The following UTP6 variants were observed in gnomAD, a reference collection of about 807,000 sequenced individuals.
The protein encoded by UTP6 is U3 small nucleolar RNA-associated protein 6 homolog.
Under a neutral mutation model 96.5 loss-of-function variants are expected in UTP6, and 60 were observed. The observed-to-expected ratio is 0.62, with a 90% CI of 0.51 to 0.77. UTP6 has a LOEUF of 0.77. Among genes scored for constraint, UTP6 ranks in the 30% least tolerant of loss-of-function variants. UTP6 has a pLI of 0.00. For missense variants in UTP6, 637 were observed against 706.5 expected, an observed-to-expected ratio of 0.90 and a Z score of 1.12; for synonymous variants, 215 against 240.1, an observed-to-expected ratio of 0.90 and a Z score of 0.96.
intron 10 of UTP6, among the ~76,000 whole-genome samples, chr17:31,882,632 A>G (rs534922081): frequency 1.3e-5 from 2 of 152,122 alleles, no homozygotes; most frequent in African/African-American, 4.8e-5. Flanking sequence ...AGGGTTCTTC[A>G]TTTTCTAAAT....
rs751634443 is a variant in UTP6 at position 31,873,434 on chromosome 17, G to A, written c.1440C>T (p.Tyr480=). ...CACCACTTCGATAAGCCCAATCCAG[G>A]TACTTATTCTTCAGGGTTACTGAGT... The part of the protein sequence containing the change: ...GADSVTLKNK[Y]LDWAYRSGGY... The change falls in exon 16 of 19, where the codon TAC becomes TAT. Residue 480 remains tyrosine, a synonymous_variant. Coordinates refer to ENST00000261708, the MANE Select transcript of UTP6 (RefSeq NM_018428.3). The A allele has an allele frequency of 1.9e-6, 3 of 1,614,092 alleles. No homozygotes were observed. Among genetic ancestry groups the A allele is most frequent in the Non-Finnish European group, 2.5e-6 (3 of 1,180,022 alleles).
At chr17:31,893,326 T>A (rs777097934) in intron 4 of UTP6, among the ~76,000 whole-genome samples, 1 of 150,072 alleles carries the variant, frequency 6.7e-6, no homozygotes, top group Non-Finnish European at 1.5e-5. Context: ...CTAGGGAGGC[T>A]GAGGCAGAAG....
intron 13 of UTP6, among the ~76,000 whole-genome samples, chr17:31,877,397 A>C (rs1220997544): frequency 6.6e-6 from 1 of 152,228 alleles, no homozygotes; most frequent in Non-Finnish European, 1.5e-5. Context: ...TGCTAGATTC[A>C]ATAGTGAACA....
At position 31,894,738 on chromosome 17, in the gene UTP6, C is replaced by T. The variant is rs1339008448; in HGVS notation, c.220-1G>A. ...CCTTCTTAAATGAATATCCAATGCG[C>T]TAAAGGGGGACATAAAAAAACAGAG... On this transcript the variant is annotated splice_acceptor_variant, in intron 3 of 18. Coordinates refer to ENST00000261708, the MANE Select transcript of UTP6 (RefSeq NM_018428.3). LOFTEE classifies it high-confidence loss of function. 1.2e-6 allele frequency: 2 copies of T among 1,606,326 alleles called. No homozygotes were observed. The highest frequency in any genetic ancestry group is 3.4e-5 in the Admixed American group (2 of 59,142).
intron 11 of UTP6, 125 bp downstream of exon 11, chr17:31,880,448 G>T: frequency 8.6e-7 from 1 of 1,168,246 alleles, no homozygotes; most frequent in Non-Finnish European, 1.2e-6. Context: ...AAAAGGCCAG[G>T]CTCATCGTAA....
intron 5 of UTP6, 33 bp downstream of exon 5, chr17:31,892,714 C>A: frequency 6.2e-7 from 1 of 1,613,694 alleles, no homozygotes; most frequent in South Asian, 1.1e-5. Flanking sequence ...AAAAGACGGT[C>A]AGAGGAAGCA....
Position 31,901,707 on chromosome 17 carries a change from A to G in UTP6, c.-80T>C. 3.0e-6 allele frequency: 4 copies of G among 1,342,666 alleles called. No individual in the cohort carries two copies. The highest frequency in any genetic ancestry group is 4.2e-6 in the Non-Finnish European group (4 of 946,094). 83.2% of individuals were successfully genotyped at this position (1,342,666 alleles called of 1,614,324 possible). The stretch of plus-strand genomic sequence containing the variant: ...GAAGCTCCCGGTTTCAGGTTCGGAG[A>G]CCCAGCCCTACCACCGACGCGTCCG... On this transcript the variant is annotated 5_prime_UTR_variant, in exon 1 of 19. Coordinates refer to ENST00000261708, the MANE Select transcript of UTP6 (RefSeq NM_018428.3).
intron 2 of UTP6, 21 bp downstream of exon 2, chr17:31,899,625 A>C (rs772358083): frequency 5.8e-6 from 9 of 1,545,954 alleles, no homozygotes; most frequent in Non-Finnish European, 7.8e-6. Context: ...AAAAGAAAGA[A>C]ATTATTAATT....
At chr17:31,879,069 T>C (rs547175316) in intron 11 of UTP6, among the ~76,000 whole-genome samples, 1 of 152,262 alleles carries the variant, frequency 6.6e-6, no homozygotes, top group African/African-American at 2.4e-5. Flanking sequence ...TTCTACATTA[T>C]TACAAAATAA....
chr17:31,866,524 G>C (rs1457536303), intron 17 of UTP6: 2 of 151,630 alleles, frequency 1.3e-5, no homozygotes, highest in Non-Finnish European at 2.9e-5. Flanking sequence ...ACAAGGTCAG[G>C]AGTTCAAGAC....
chr17:31,889,223 AT>A, intron 7 of UTP6, 61 bp downstream of exon 7: 1 of 1,299,308 alleles, frequency 7.7e-7, no homozygotes, highest in African/African-American at 1.5e-5. Flanking sequence ...GGAAAAAAAA[AT>A]ATGTCTCCAG....
intron 8 of UTP6, 51 bp downstream of exon 8, chr17:31,887,185 C>G: frequency 1.3e-6 from 2 of 1,514,924 alleles, no homozygotes; most frequent in Non-Finnish European, 1.8e-6. Flanking sequence ...TAAGCAGGCT[C>G]AAAATGTTAT....
chr17:31,867,746 A>G (rs1159761657), intron 17 of UTP6, among the ~76,000 whole-genome samples: 1 of 152,076 alleles, frequency 6.6e-6, no homozygotes, highest in African/African-American at 2.4e-5. Flanking sequence ...TCACGAGGTC[A>G]ACAGATAGAG....
chr17:31,870,260 C>T (rs1253338647), intron 16 of UTP6, among the ~76,000 whole-genome samples: 1 of 152,150 alleles, frequency 6.6e-6, no homozygotes, highest in African/African-American at 2.4e-5. Context: ...CTGATTTCCA[C>T]AGTGGCTGAA....
intron 4 of UTP6, 109 bp from the exon 5 acceptor site, chr17:31,892,903 T>TG: frequency 7.7e-7 from 1 of 1,300,382 alleles, no homozygotes; most frequent in Non-Finnish European, 1.1e-6. Context: ...TTGGATGCGG[T>TG]GGCTCACACC....
intron 12 of UTP6, 127 bp downstream of exon 12, chr17:31,878,575 G>A: frequency 1.1e-6 from 1 of 944,042 alleles, no homozygotes; most frequent in Non-Finnish European, 1.6e-6. Flanking sequence ...TCACCCACAA[G>A]GAGAGAGAGA....
At position 31,865,368 on chromosome 17, in the gene UTP6, G is replaced by C; in HGVS notation, c.1634C>G (p.Ser545Cys). Residue 545 changes from serine (S) to cysteine (C), a missense_variant and splice_region_variant, in exon 18 of 19, where the codon TCT (serine) becomes TGT (cysteine). Transcript: ENST00000261708. ...RALREFGSAD[S>C]DLWMDYMKEE... is the part of the protein sequence containing the mutation. ...TCACAAATTAAGGGTTTACTTACCA[G>C]AATCTGCGGATCCAAACTCTCTCAA... 6.2e-7 allele frequency: 1 copy of C among 1,613,952 alleles called. No homozygotes were observed. The highest frequency in any genetic ancestry group is 8.5e-7 in the Non-Finnish European group (1 of 1,179,864).
chr17:31,880,834 A>T, intron 10 of UTP6, 80 bp from the exon 11 acceptor site: 2 of 1,569,678 alleles, frequency 1.3e-6, no homozygotes, highest in African/African-American at 1.4e-5. Context: ...ACCTGTGCTT[A>T]AAAAATCTAC....
intron 16 of UTP6, among the ~76,000 whole-genome samples, chr17:31,868,764 C>G (rs929351836): frequency 6.6e-6 from 1 of 152,096 alleles, no homozygotes; most frequent in Admixed American, 6.6e-5. Context: ...CTAATATGGA[C>G]AAATATTTGT....
Sources: allele counts gnomAD v4.1 joint callset (sites outside exome capture counted in the v4.1 genomes callset), GRCh38; gene constraint gnomAD v4.1.1; transcripts MANE v1.5; gene names NCBI Gene and HGNC (gene_info 2026-07-23, HGNC 2026-07-21).